EVC2: variants seen among roughly 807,000 people sequenced by gnomAD.
The protein encoded by EVC2 is EvC ciliary complex subunit 2.
A neutral mutation model predicts 149.3 loss-of-function variants in EVC2; 148 were observed. That is an observed-to-expected ratio of 0.99 (90% CI 0.87 to 1.14). The LOEUF is 1.14. Among genes scored for constraint, EVC2 ranks in the 50% most tolerant of loss-of-function variants. EVC2 has a pLI of 0.00. For synonymous variants in EVC2, 776 were observed against 649.9 expected (o/e 1.19, Z -2.95); for missense variants, 1,854 against 1,627.3 (o/e 1.14, Z -2.40).
In EVC2 at chr4:5,622,737, C is replaced by T. The variant is rs374178504; in HGVS notation, c.2301G>A (p.Gly767=). Residue 767 remains glycine, a synonymous_variant, in exon 14 of 22, where the codon GGG becomes GGA. Transcript: ENST00000344408. This position sits in a 1 kb window ranked among gnomAD's most constrained non-coding sequence, Gnocchi z 5.8. ...SAMTQELLKR[G]VPWLFLQQIL... ...TCTGCTGCAGGAAGAGCCAGGGCAC[C>T]CCACGCTTGAGCAGCTCCTGGGTCA... 12 of 1,613,968 alleles carry T rather than the reference C, an allele frequency of 7.4e-6. No homozygotes were observed. The African/African-American group carries it at 1.6e-4, about 22-fold the overall frequency.
chr4:5,536,806 T>A, the EVC2 span, among the ~76,000 whole-genome samples: 2 of 151,274 alleles, frequency 1.3e-5, no homozygotes, highest in Non-Finnish European at 2.9e-5. Flanking sequence ...ATAGTCATTA[T>A]CCCTAACATA....
intron 16 of EVC2, among the ~76,000 whole-genome samples, chr4:5,593,489 AT>A (rs1713031646): frequency 6.6e-6 from 1 of 152,232 alleles, no homozygotes; most frequent in Admixed American, 6.5e-5. Flanking sequence ...TGCTGGTAAC[AT>A]TATCAAGAAA....
intron 21 of EVC2, among the ~76,000 whole-genome samples, chr4:5,549,903 A>G (rs1721704729): frequency 6.6e-6 from 1 of 152,126 alleles, no homozygotes; most frequent in South Asian, 2.1e-4. Context: ...GTGATAGTGA[A>G]TAAGTCTTAT....
chr4:5,634,082 A>G (rs1716734462), intron 10 of EVC2, among the ~76,000 whole-genome samples: 1 of 152,246 alleles, frequency 6.6e-6, no homozygotes, highest in Non-Finnish European at 1.5e-5. Flanking sequence ...AGCAGGGGCC[A>G]TGAGGCTACA....
intron 14 of EVC2, among the ~76,000 whole-genome samples, chr4:5,621,578 G>T (rs965691306): frequency 6.6e-6 from 1 of 152,162 alleles, no homozygotes; most frequent in Non-Finnish European, 1.5e-5. Flanking sequence ...AGCTCTGTTG[G>T]TCTCTATTAC....
intron 9 of EVC2, among the ~76,000 whole-genome samples, chr4:5,659,973 T>A (rs549010594): frequency 2.0e-5 from 3 of 152,366 alleles, no homozygotes; most frequent in Admixed American, 6.5e-5. Flanking sequence ...GACTTTTAGC[T>A]CTGAAATCAT....
chr4:5,578,666 G>C (rs1723078780), intron 17 of EVC2, among the ~76,000 whole-genome samples: 1 of 151,720 alleles, frequency 6.6e-6, no homozygotes, highest in African/African-American at 2.4e-5. Context: ...TGGAGGGAGG[G>C]AAAAGGGAAG....
At chr4:5,674,600 G>A (rs1443366331) in intron 7 of EVC2, among the ~76,000 whole-genome samples, 3 of 152,186 alleles carry the variant, frequency 2.0e-5, no homozygotes, top group Non-Finnish European at 4.4e-5. Flanking sequence ...ATCACAGCGT[G>A]CAGATGCTGG....
chr4:5,599,503 C>T (rs1165170251), intron 16 of EVC2, among the ~76,000 whole-genome samples: 4 of 151,888 alleles, frequency 2.6e-5, no homozygotes, highest in Non-Finnish European at 4.4e-5. Flanking sequence ...TTCTCACTCA[C>T]AGGTGGGAAT....
chr4:5,539,975 T>C (rs553350942), downstream of EVC2, among the ~76,000 whole-genome samples: 1 of 152,344 alleles, frequency 6.6e-6, no homozygotes, highest in South Asian at 2.1e-4. Context: ...TCCCAATCCA[T>C]ATACTTGACA....
At chr4:5,566,894 ACCTGCATGT>A (rs1560125305) in intron 20 of EVC2, among the ~76,000 whole-genome samples, 1 of 152,238 alleles carries the variant, frequency 6.6e-6, no homozygotes, top group South Asian at 2.1e-4. Context: ...AATACTTGCC[ACCTGCATGT>A]CCGTGCACGC....
chr4:5,616,463 G>C (rs1051064326), intron 15 of EVC2, among the ~76,000 whole-genome samples: 7 of 152,332 alleles, frequency 4.6e-5, no homozygotes, highest in East Asian at 1.9e-4. Context: ...CTAGATCAAA[G>C]AGAAGTATGT....
rs1721467015 is a variant in EVC2, at chr4:5,696,169, C to G, written c.283+1424G>C. 6.6e-6 allele frequency among the ~76,000 whole-genome samples: 1 copy of G among 152,190 alleles called. No individual in the cohort carries two copies. On this transcript the variant is annotated intron_variant, in intron 2 of 21. Transcript: ENST00000344408. This position sits in a 1 kb window ranked among gnomAD's most constrained non-coding sequence, Gnocchi z 4.1. ...CCCAGCACAGCACCCTGGGCCAGGG[C>G]ACAAATGCTTGTGCAGCAAGCAACC...
intron 5 of EVC2, among the ~76,000 whole-genome samples, chr4:5,687,984 G>A (rs913713274): frequency 1.3e-5 from 2 of 152,198 alleles, no homozygotes; most frequent in African/African-American, 4.8e-5. Context: ...AGTCACCCAG[G>A]TCCATCTGAG....
chr4:5,554,085 C>A (rs1721788657), intron 21 of EVC2, among the ~76,000 whole-genome samples: 2 of 152,138 alleles, frequency 1.3e-5, no homozygotes, highest in Admixed American at 1.3e-4. Context: ...AGGAAACACG[C>A]CACTTCCAGT....
intron 16 of EVC2, among the ~76,000 whole-genome samples, chr4:5,596,622 G>T (rs913007556): frequency 6.6e-6 from 1 of 152,154 alleles, no homozygotes; most frequent in Non-Finnish European, 1.5e-5. Context: ...AAGCAGGAAA[G>T]ATCCAAAATT....
intron 16 of EVC2, among the ~76,000 whole-genome samples, chr4:5,591,653 A>G (rs113429510): frequency 6.6e-6 from 1 of 152,248 alleles, no homozygotes; most frequent in Non-Finnish European, 1.5e-5. Context: ...TGAAATTAAA[A>G]AGAAAAAAAA....
rs112508625 is a variant in EVC2 at position 5,657,744 on chromosome 4, G to GA, written c.1145+5362dup. Among the ~76,000 whole-genome samples, 108,344 of 145,868 alleles carry GA rather than the reference G, an allele frequency of 0.74. 40,012 individuals are homozygous for GA. Among genetic ancestry groups the GA allele is most frequent in the African/African-American group, 0.79 (31,244 of 39,692 alleles). ...AATACAACAACATTAATTTGAAAAA[G>GA]AAAAAAAAAAAAGGTAGTTTCCGGC... On this transcript the variant is annotated intron_variant, in intron 9 of 21. Transcript: ENST00000344408. The surrounding 1 kb of genome is among the most constrained non-coding windows in gnomAD (Gnocchi z 4.7).
chr4:5,563,948 T>C (rs1722110627), intron 21 of EVC2, among the ~76,000 whole-genome samples: 1 of 151,926 alleles, frequency 6.6e-6, no homozygotes, highest in Non-Finnish European at 1.5e-5. Context: ...CCATGGGCAG[T>C]CCAACCCCTG....
Sources: allele counts gnomAD v4.1 joint callset (sites outside exome capture counted in the v4.1 genomes callset), GRCh38; gene constraint gnomAD v4.1.1; non-coding constraint Gnocchi (gnomAD v3.1); transcripts MANE v1.5; gene names NCBI Gene and HGNC (gene_info 2026-07-23, HGNC 2026-07-21).